Variants in DBF4B observed in about 807,000 individuals in gnomAD.
DBF4B encodes protein DBF4 homolog B.
DBF4B carries 49 observed loss-of-function variants against 53.4 expected under a neutral mutation model. The ratio of observed to expected loss-of-function variants is 0.92; its 90% CI spans 0.73 to 1.16. The LOEUF (loss-of-function observed/expected upper bound fraction) is 1.16, where lower values mean the gene tolerates loss of function less well. Among genes scored for constraint, DBF4B ranks in the 50% most tolerant of loss-of-function variants. The pLI is 0.00. For synonymous variants in DBF4B, 257 were observed against 288.7 expected, an observed-to-expected ratio of 0.89 and a Z score of 1.11; for missense variants, 692 against 775.0, an observed-to-expected ratio of 0.89 and a Z score of 1.27.
At position 44,729,902 on chromosome 17, in the gene DBF4B, C is replaced by G. The variant is rs1974689054; in HGVS notation, c.226-3C>G. 1 of 1,613,026 alleles carries G rather than the reference C, an allele frequency of 6.2e-7. No homozygotes were observed. The highest frequency in any genetic ancestry group is 1.3e-5 in the African/African-American group (1 of 74,896). Reference sequence around the variant, plus strand: ...TTCAGCCACCTCTGTGATCTGGTTTCAGGTAATTGAGGGTTTTCTGAGCAA... The same window carrying G: ...TTCAGCCACCTCTGTGATCTGGTTTGAGGTAATTGAGGGTTTTCTGAGCAA... On this transcript the variant is annotated splice_polypyrimidine_tract_variant and splice_region_variant and intron_variant, in intron 3 of 13. Transcript: ENST00000315005.
intron 2 of DBF4B, among the ~76,000 whole-genome samples, chr17:44,715,395 C>A (rs1243276279): frequency 6.6e-6 from 1 of 152,044 alleles, no homozygotes; most frequent in East Asian, 1.9e-4. Context: ...TGGGGTTTCA[C>A]CATGTTAGCC....
In DBF4B at chr17:44,732,244, G is replaced by C; in HGVS notation, c.535G>C (p.Val179Leu). 6.2e-7 allele frequency: 1 copy of C among 1,614,184 alleles called. No homozygotes were observed. The highest frequency in any genetic ancestry group is 8.5e-7 in the Non-Finnish European group (1 of 1,180,032). Reference sequence around the variant, plus strand: ...CCTGACCAATGCCCGCTCTTGGGGAGTGAGGATTCTGCACGTGGATGGTAC... The same window carrying C: ...CCTGACCAATGCCCGCTCTTGGGGACTGAGGATTCTGCACGTGGATGGTAC... ...SLLTNARSWGVRILHVDEMMM... is the reference protein window; with the variant it reads ...SLLTNARSWGLRILHVDEMMM... The change falls in exon 6 of 14, where the codon GTG (valine) becomes CTG (leucine). Residue 179 changes from valine to leucine, a missense_variant. By Grantham distance (32) the Val-to-Leu change is conservative. Transcript: ENST00000315005.
rs2049221398 is a variant in DBF4B at position 44,749,496 on chromosome 17, C to T, written c.1189+1031C>T. The T allele has an allele frequency of 7.8e-7, 1 of 1,279,446 alleles. No homozygotes were observed. The highest frequency in any genetic ancestry group is 1.0e-6 in the Non-Finnish European group (1 of 983,004). 79.3% of individuals were successfully genotyped at this position (1,279,446 alleles called of 1,614,324 possible). A position where few individuals can be genotyped will look rare whatever the true frequency, so the allele number is the denominator to read the frequency against. ...AGGCCCGGGCCTGGCCTTTGAAGTC[C>T]AGCAAGCAGCTGTCACGCTCAGCTC... On this transcript the variant is annotated intron_variant, in intron 13 of 13. Transcript: ENST00000315005. The surrounding 1 kb of genome is among the most constrained non-coding windows in gnomAD (Gnocchi z 4.4).
chr17:44,741,257 T>A, intron 9 of DBF4B, 79 bp from the exon 10 acceptor site: 1 of 1,003,062 alleles, frequency 1.0e-6, no homozygotes, highest in Non-Finnish European at 1.6e-6. Flanking sequence ...GGGCTGGAAT[T>A]CTAGGGCATT....
chr17:44,726,497 A>G (rs1974359987), intron 3 of DBF4B, among the ~76,000 whole-genome samples: 1 of 150,590 alleles, frequency 6.6e-6, no homozygotes, highest in Admixed American at 6.7e-5. Flanking sequence ...CTTGGCGTCA[A>G]GCAATCCCCC....
At chr17:44,742,996 G>T (rs1021831174) in intron 10 of DBF4B, among the ~76,000 whole-genome samples, 3 of 152,152 alleles carry the variant, frequency 2.0e-5, no homozygotes, top group African/African-American at 7.2e-5. Context: ...AAAGGCTGTG[G>T]GTAAGAAAAT....
At chr17:44,715,989 A>G (rs1259763224) in intron 2 of DBF4B, among the ~76,000 whole-genome samples, 1 of 150,794 alleles carries the variant, frequency 6.6e-6, no homozygotes, top group East Asian at 1.9e-4. Context: ...CACCTGGCTA[A>G]TTGTTTGTAT....
intron 2 of DBF4B, among the ~76,000 whole-genome samples, chr17:44,716,326 TC>T (rs1973334116): frequency 6.6e-6 from 1 of 151,916 alleles, no homozygotes; most frequent in Non-Finnish European, 1.5e-5. Context: ...TAGAGAAGAG[TC>T]CTCCAAACCT....
chr17:44,729,725 C>CACACACACAA (rs1568177400), intron 3 of DBF4B, among the ~76,000 whole-genome samples, 180 bp from the exon 4 acceptor site: 1 of 146,326 alleles, frequency 6.8e-6, no homozygotes, highest in Non-Finnish European at 1.5e-5. Context: ...CACACACACA[C>CACACACACAA]ACCCCATTAG....
At position 44,709,373 on chromosome 17, in the gene DBF4B, A is replaced by G. The variant is rs369885492; in HGVS notation, c.82+7A>G. 24 of 1,614,028 alleles carry G rather than the reference A, an allele frequency of 1.5e-5. No homozygotes were observed. The highest frequency in any genetic ancestry group is 4.0e-5 in the African/African-American group (3 of 74,918). On this transcript the variant is annotated splice_region_variant and intron_variant, in intron 2 of 13. Coordinates refer to ENST00000315005, the MANE Select transcript of DBF4B (RefSeq NM_145663.3). ...CTCCGGGCCCCGGACCTAGGTGGGT[A>G]ACAGGACAGAACTAGGGACGTGAGG...
intron 2 of DBF4B, chr17:44,719,803 G>A (rs2144814550): frequency 4.3e-6 from 1 of 232,126 alleles, no homozygotes; most frequent in African/African-American, 2.3e-5. Context: ...CGTTAGGGCA[G>A]ACACAGATCA....
At chr17:44,711,025 G>T (rs930807984) in intron 2 of DBF4B, among the ~76,000 whole-genome samples, 1 of 113,430 alleles carries the variant, frequency 8.8e-6, no homozygotes, top group East Asian at 2.6e-4. Context: ...TCGCTTTGTC[G>T]CCCAGGCTGG....
Position 44,725,116 on chromosome 17 carries a change from C to CAAA in DBF4B, c.225+2115_225+2117dup, listed in dbSNP as rs57821218. 2.1e-3 allele frequency among the ~76,000 whole-genome samples: 99 copies of CAAA among 47,398 alleles called. 2 individuals are homozygous for CAAA. Among genetic ancestry groups the CAAA allele is most frequent in the African/African-American group, 5.1e-3 (61 of 12,076 alleles). The allele number at this position is 47,398 out of a possible 152,430, so 31.1% of individuals were successfully genotyped here. ...GGGCAACAAGAGCAAGACTCCATCTCAAAAAAAAAAAAAAAAAAAAAAACA... is the reference window on the plus strand; with the variant it reads ...GGGCAACAAGAGCAAGACTCCATCTCAAAAAAAAAAAAAAAAAAAAAAAAAACA... On this transcript the variant is annotated intron_variant, in intron 3 of 13. Transcript: ENST00000315005.
chr17:44,730,595 C>T (rs1488332063), intron 4 of DBF4B, among the ~76,000 whole-genome samples: 2 of 152,186 alleles, frequency 1.3e-5, no homozygotes, highest in Non-Finnish European at 2.9e-5. Context: ...ATTGTGATGA[C>T]AGATGGGACT....
intron 4 of DBF4B, among the ~76,000 whole-genome samples, chr17:44,730,747 A>G (rs193281377): frequency 1.4e-3 from 219 of 152,306 alleles, no homozygotes; most frequent in African/African-American, 4.9e-3. Flanking sequence ...CACCAGGTTC[A>G]GGCTGCCACC....
chr17:44,711,379 T>C (rs776915185), intron 2 of DBF4B, among the ~76,000 whole-genome samples: 18 of 152,116 alleles, frequency 1.2e-4, no homozygotes, highest in Non-Finnish European at 2.5e-4. Flanking sequence ...GGCACAATCA[T>C]AGCTCACTGC....
At chr17:44,746,849 A>C (rs1193096410) in intron 10 of DBF4B, among the ~76,000 whole-genome samples, 1 of 150,930 alleles carries the variant, frequency 6.6e-6, no homozygotes, top group South Asian at 2.1e-4. Context: ...GAGGACAGAG[A>C]TAAGACAGGC....
At position 44,730,956 on chromosome 17, in the gene DBF4B, C is replaced by T. The variant is rs375358690; in HGVS notation, c.418-9C>T. 1 of 1,613,800 alleles carries T rather than the reference C, an allele frequency of 6.2e-7. No individual in the cohort carries two copies. Among genetic ancestry groups the T allele is most frequent in the Non-Finnish European group, 8.5e-7 (1 of 1,179,798 alleles). On this transcript the variant is annotated splice_polypyrimidine_tract_variant and intron_variant, in intron 4 of 13. Transcript: ENST00000315005. ...ACAGCAGACCTCACTGCTCTTCTGT[C>T]CCTGTCAGGTGCCTCTAAGCAGAGG...
At chr17:44,715,918 G>A (rs1973299456) in intron 2 of DBF4B, among the ~76,000 whole-genome samples, 3 of 143,192 alleles carry the variant, frequency 2.1e-5, no homozygotes, top group African/African-American at 5.3e-5. Context: ...CCCCTCCCAG[G>A]TTCAAGCAAT....
Sources: allele counts gnomAD v4.1 joint callset (sites outside exome capture counted in the v4.1 genomes callset), GRCh38; gene constraint gnomAD v4.1.1; non-coding constraint Gnocchi (gnomAD v3.1); transcripts MANE v1.5; gene names NCBI Gene and HGNC (gene_info 2026-07-23, HGNC 2026-07-21).